INTS6: variants seen among roughly 807,000 people sequenced by gnomAD.
INTS6 encodes the protein DEAD box protein.
A neutral mutation model predicts 104.9 loss-of-function variants in INTS6; 16 were observed. The observed-to-expected ratio is 0.15, with a 90% CI of 0.10 to 0.23. The LOEUF is 0.23. INTS6 is among the 10% of genes least tolerant of loss of function. The pLI is 1.00. For synonymous variants in INTS6, 324 were observed against 358.7 expected (o/e 0.90, Z 1.09); for missense variants, 584 against 1,062.8 (o/e 0.55, Z 6.26).
chr13:51,397,573 G>C (rs752512150), intron 4 of INTS6, among the ~76,000 whole-genome samples: 1 of 152,148 alleles, frequency 6.6e-6, no homozygotes, highest in Non-Finnish European at 1.5e-5. Context: ...ACCACACCCT[G>C]ACAGAAGATA....
chr13:51,430,184 T>C (rs1957066031), intron 4 of INTS6, 110 bp downstream of exon 4: 10 of 852,540 alleles, frequency 1.2e-5, no homozygotes, highest in South Asian at 1.6e-5. Context: ...TGACTCTAAA[T>C]TGCATCAAAT....
At chr13:51,345,322 C>A in the INTS6 span, among the ~76,000 whole-genome samples, 1 of 152,122 alleles carries the variant, frequency 6.6e-6, no homozygotes, top group Non-Finnish European at 1.5e-5. Flanking sequence ...ACATTCAAGA[C>A]CCAGTGTTGG....
At position 51,368,028 on chromosome 13, in the gene INTS6, C is replaced by G. The variant is rs567542885; in HGVS notation, c.2477-130G>C. On this transcript the variant is annotated intron_variant, in intron 16 of 17. Transcript: ENST00000311234. ...AACATTCTACATAAAAATTTCACCA[C>G]TCATTAGAGATTTTATATTTTAACA... 7.0e-5 allele frequency: 36 copies of G among 512,516 alleles called. No homozygotes were observed. In the East Asian group the frequency reaches 1.0e-3, roughly 15 times the overall value. 31.7% of individuals were successfully genotyped at this position (512,516 alleles called of 1,614,324 possible).
intron 16 of INTS6, 116 bp downstream of exon 16, chr13:51,368,823 G>C (rs1955742170): frequency 9.3e-7 from 1 of 1,070,300 alleles, no homozygotes; most frequent in Admixed American, 2.5e-5. Flanking sequence ...TGTTGTTCAA[G>C]ACAGATCTAG....
In INTS6 at chr13:51,363,673, T is replaced by C. The variant is rs1955628690; in HGVS notation, c.*2079A>G. The C allele has an allele frequency of 6.6e-6, 1 of 151,884 alleles. No homozygotes were observed. The highest frequency in any genetic ancestry group is 1.5e-5 in the Non-Finnish European group (1 of 67,890). 9.4% of individuals were successfully genotyped at this position (151,884 alleles called of 1,614,324 possible). ...ACAACAAGTATTCTAATTTAACTAA[T>C]ATACCCATTTTTTTTTTAAATGAAA... is the stretch of plus-strand genomic sequence containing the variant. On this transcript the variant is annotated 3_prime_UTR_variant, in exon 18 of 18. Transcript: ENST00000311234.
the INTS6 span, chr13:51,347,217 C>T: frequency 4.0e-5 from 65 of 1,613,672 alleles, no homozygotes; most frequent in African/African-American, 8.0e-5. Context: ...ATGCACCAAA[C>T]GACCGAGGTC....
intron 5 of INTS6, among the ~76,000 whole-genome samples, chr13:51,391,638 AC>A (rs972614679): frequency 2.6e-5 from 4 of 152,150 alleles, no homozygotes; most frequent in African/African-American, 9.7e-5. Context: ...ATTAGCACAC[AC>A]CTTCAAGTCA....
chr13:51,366,924 T>TA (rs1172631107), intron 17 of INTS6, among the ~76,000 whole-genome samples: 1 of 151,914 alleles, frequency 6.6e-6, no homozygotes, highest in East Asian at 1.9e-4. Flanking sequence ...GAAGGGAAAA[T>TA]AAAAAATGTT....
chr13:51,446,235 A>G (rs987462883), intron 3 of INTS6: 11 of 152,246 alleles, frequency 7.2e-5, no homozygotes, highest in Non-Finnish European at 1.5e-4. Flanking sequence ...AAACAATTTT[A>G]AAACGGGCAA....
the INTS6 span, chr13:51,344,181 T>C: frequency 9.3e-7 from 1 of 1,073,912 alleles, no homozygotes; most frequent in Admixed American, 1.9e-5. Context: ...CAATGCAATG[T>C]GTGCTGGAGG....
the INTS6 span, chr13:51,347,013 T>C: frequency 6.4e-7 from 1 of 1,563,218 alleles, no homozygotes; most frequent in Non-Finnish European, 8.7e-7. Context: ...CACCTTGCTT[T>C]CCTGCTTGCA....
intron 4 of INTS6, among the ~76,000 whole-genome samples, chr13:51,429,737 C>T (rs987266051): frequency 4.3e-5 from 5 of 115,772 alleles, no homozygotes; most frequent in African/African-American, 1.4e-4. Context: ...GCACTCTAGC[C>T]GGGGCAACAG....
Position 51,363,975 on chromosome 13 carries a change from T to G in INTS6, c.*1777A>C, listed in dbSNP as rs1012745432. ...CTCTTTCCTAGATACTCTTGTTAAG[T>G]ATGAATTTTTATCTGAATGACTTCT... On this transcript the variant is annotated 3_prime_UTR_variant, in exon 18 of 18. Transcript: ENST00000311234. 4.3e-5 allele frequency: 11 copies of G among 258,334 alleles called. No homozygotes were observed. Among genetic ancestry groups the G allele is most frequent in the African/African-American group, 2.2e-4 (10 of 45,098 alleles). 16.0% of individuals were successfully genotyped at this position (258,334 alleles called of 1,614,324 possible).
At chr13:51,344,289 C>T in the INTS6 span, 8 of 1,613,782 alleles carry the variant, frequency 5.0e-6, no homozygotes, top group Non-Finnish European at 6.8e-6. Flanking sequence ...CTGTTTATGC[C>T]ACACTACCCA....
At chr13:51,360,489 T>C (rs1955556014), downstream of INTS6, among the ~76,000 whole-genome samples, 1 of 152,110 alleles carries the variant, frequency 6.6e-6, no homozygotes, top group South Asian at 2.1e-4. Flanking sequence ...TACTGTGTCA[T>C]CAAGTATCCT....
At chr13:51,338,586 T>C in the INTS6 span, among the ~76,000 whole-genome samples, 1 of 152,194 alleles carries the variant, frequency 6.6e-6, no homozygotes, top group Non-Finnish European at 1.5e-5. Context: ...TGATATGCCC[T>C]CTCTGGGTGC....
chr13:51,350,131 C>A (rs1012037741), downstream of INTS6, among the ~76,000 whole-genome samples: 1 of 152,128 alleles, frequency 6.6e-6, no homozygotes, highest in African/African-American at 2.4e-5. Flanking sequence ...TTTCGTTTAA[C>A]AAGAGCAAAA....
At chr13:51,435,066 G>A (rs1957161579) in intron 3 of INTS6, among the ~76,000 whole-genome samples, 1 of 151,728 alleles carries the variant, frequency 6.6e-6, no homozygotes, top group Non-Finnish European at 1.5e-5. Flanking sequence ...TCCTTTAGAA[G>A]TTCTGTCAAT....
chr13:51,352,709 A>T (rs1955418414), downstream of INTS6, among the ~76,000 whole-genome samples: 3 of 152,060 alleles, frequency 2.0e-5, no homozygotes, highest in Non-Finnish European at 4.4e-5. Flanking sequence ...AATGTGTGAT[A>T]TTAGCTGTGG....
Sources: allele counts gnomAD v4.1 joint callset (sites outside exome capture counted in the v4.1 genomes callset), GRCh38; gene constraint gnomAD v4.1.1; transcripts MANE v1.5; gene names NCBI Gene and HGNC (gene_info 2026-07-23, HGNC 2026-07-21).